The following RGS22 variants were observed in gnomAD, a reference collection of about 807,000 sequenced individuals.
The protein encoded by RGS22 is regulator of G-protein signaling 22.
In RGS22, 148 loss-of-function variants were observed where a neutral mutation model predicts 172.9. The ratio of observed to expected loss-of-function variants is 0.86; its 90% confidence interval spans 0.75 to 0.98. The LOEUF is 0.98. Ranked by LOEUF, RGS22 falls within the 50% of genes least tolerant of loss-of-function variation. The pLI is 0.00. For missense variants in RGS22, 1,347 were observed against 1,440.8 expected (o/e 0.93, Z 1.05); for synonymous variants, 458 against 480.2 (o/e 0.95, Z 0.60).
intron 22 of RGS22, among the ~76,000 whole-genome samples, chr8:99,981,607 TTTAAA>T (rs1188723139): frequency 1.3e-5 from 2 of 152,144 alleles, no homozygotes; most frequent in Non-Finnish European, 1.5e-5. Flanking sequence ...GCAAAGATTA[TTTAAA>T]TTAAATAGAA....
chr8:100,067,693 C>T (rs925071784), intron 6 of RGS22, among the ~76,000 whole-genome samples: 3 of 147,478 alleles, frequency 2.0e-5, no homozygotes, highest in Admixed American at 6.9e-5. Context: ...GGTGCAGTCT[C>T]GGCTCACTGC....
At chr8:100,052,657 T>G in intron 10 of RGS22, 145 bp downstream of exon 10, 1 of 758,374 alleles carries the variant, frequency 1.3e-6, no homozygotes, top group Admixed American at 3.0e-5. Context: ...AGACTGTAGG[T>G]TTTCTTATTT....
intron 19 of RGS22, among the ~76,000 whole-genome samples, chr8:99,998,363 T>G (rs1292116938): frequency 6.6e-6 from 1 of 151,452 alleles, no homozygotes; most frequent in Non-Finnish European, 1.5e-5. Context: ...AAACAATTTA[T>G]GAAACTTAAA....
At chr8:100,071,743 ATTG>A (rs1274513543) in intron 5 of RGS22, among the ~76,000 whole-genome samples, 3 of 152,352 alleles carry the variant, frequency 2.0e-5, no homozygotes, top group South Asian at 2.1e-4. Flanking sequence ...TGACTTAAAA[ATTG>A]TTGTTCAGAG....
In RGS22 at chr8:99,978,055, C is replaced by A; in HGVS notation, c.3381G>T (p.Leu1127=). 6.6e-7 allele frequency: 1 copy of A among 1,517,260 alleles called. No individual in the cohort carries two copies. The highest frequency in any genetic ancestry group is 8.7e-7 in the Non-Finnish European group (1 of 1,144,282). The allele number at this position is 1,517,260 out of a possible 1,614,324, so 94.0% of individuals were successfully genotyped here. The change falls in exon 23 of 28, where the codon CTG becomes CTT. Residue 1127 remains leucine, a synonymous_variant. Transcript: ENST00000360863. ...REAQMTIFGV[L]FKFWPQFCEF... is the part of the protein sequence containing the mutation. Reference sequence around the variant, plus strand: ...CACAGAACTGAGGCCAGAATTTAAACAGAACCCCAAAAATTGTCATCTGTA... The same window carrying A: ...CACAGAACTGAGGCCAGAATTTAAAAAGAACCCCAAAAATTGTCATCTGTA...
rs763021411 is a variant in RGS22, at chr8:100,063,762, C to T, written c.1006G>A (p.Val336Ile). Reference protein sequence around the residue: ...GAIQQIVGKPVGETPDYINFN... With the variant: ...GAIQQIVGKPIGETPDYINFN... ...TTTATATAGTCTGGGGTTTCTCCAACTGGCTTTCCAACAATTTGCTGAATT... is the reference window on the plus strand; with the variant it reads ...TTTATATAGTCTGGGGTTTCTCCAATTGGCTTTCCAACAATTTGCTGAATT... The change falls in exon 8 of 28, where the codon GTT (valine) becomes ATT (isoleucine). Residue 336 changes from valine (V) to isoleucine (I), a missense_variant. Coordinates refer to ENST00000360863, the MANE Select transcript of RGS22 (RefSeq NM_015668.5). The T allele has an allele frequency of 6.6e-5, 106 of 1,614,094 alleles. No homozygotes were observed. Among genetic ancestry groups the T allele is most frequent in the Middle Eastern group, 3.3e-4 (2 of 6,062 alleles).
intron 23 of RGS22, among the ~76,000 whole-genome samples, chr8:99,968,898 C>G (rs1184648678): frequency 6.6e-6 from 1 of 151,990 alleles, no homozygotes; most frequent in Admixed American, 6.6e-5. Flanking sequence ...AGATACTCCT[C>G]GAGAAGAGCA....
chr8:100,106,022 C>G lies in RGS22; in HGVS notation c.-101G>C, dbSNP rs993442692. 5.5e-5 allele frequency: 66 copies of G among 1,191,316 alleles called. No individual in the cohort carries two copies. The highest frequency in any genetic ancestry group is 6.8e-5 in the Non-Finnish European group (65 of 962,920). The allele number at this position is 1,191,316 out of a possible 1,614,324, so 73.8% of individuals were successfully genotyped here. A position where few individuals can be genotyped will look rare whatever the true frequency, so the allele number is the denominator to read the frequency against. ...GCCTGAGCGACGCGGCGACGGCGCGCGGGCTCCGGAGCTACGCTGGCTAGC... is the reference window on the plus strand; with the variant it reads ...GCCTGAGCGACGCGGCGACGGCGCGGGGGCTCCGGAGCTACGCTGGCTAGC... On this transcript the variant is annotated 5_prime_UTR_variant, in exon 1 of 28. Coordinates refer to ENST00000360863, the MANE Select transcript of RGS22 (RefSeq NM_015668.5).
chr8:100,102,020 C>G (rs528418757), intron 2 of RGS22, among the ~76,000 whole-genome samples: 15 of 152,344 alleles, frequency 9.8e-5, no homozygotes, highest in Non-Finnish European at 1.9e-4. Context: ...CCACCATCCT[C>G]AAGATGCCAC....
intron 12 of RGS22, among the ~76,000 whole-genome samples, chr8:100,041,018 T>C (rs554679087): frequency 1.3e-5 from 2 of 152,324 alleles, no homozygotes; most frequent in East Asian, 1.9e-4. Flanking sequence ...ACTATTTGCA[T>C]AGAATAAAAT....
chr8:99,990,362 C>G (rs147797409), intron 20 of RGS22, among the ~76,000 whole-genome samples: 1 of 152,052 alleles, frequency 6.6e-6, no homozygotes, highest in Admixed American at 6.6e-5. Context: ...TGCAGAAGGA[C>G]CCTGTTTCCC....
rs375415404 is a variant in RGS22 at position 100,056,254 on chromosome 8, A to G, written c.1515-3278T>C. Among the ~76,000 whole-genome samples the G allele has an allele frequency of 2.6e-4, 39 of 152,192 alleles. No homozygotes were observed. In the South Asian group the frequency reaches 6.8e-3, roughly 27 times the overall value. Reference sequence around the variant, plus strand: ...ATGATTTAGGGTATCCGGGGGAAAAAGTTTCTAAGCAGCGAAGCATTCAAG... The same window carrying G: ...ATGATTTAGGGTATCCGGGGGAAAAGGTTTCTAAGCAGCGAAGCATTCAAG... On this transcript the variant is annotated intron_variant, in intron 9 of 27. Transcript: ENST00000360863.
intron 14 of RGS22, among the ~76,000 whole-genome samples, chr8:100,034,365 A>G (rs549430084): frequency 6.6e-6 from 1 of 152,244 alleles, no homozygotes; most frequent in Non-Finnish European, 1.5e-5. Context: ...CCCATTCACA[A>G]TTGCTACACA....
chr8:100,034,315 C>T (rs953429076), intron 14 of RGS22, among the ~76,000 whole-genome samples: 6 of 152,104 alleles, frequency 3.9e-5, no homozygotes, highest in African/African-American at 7.2e-5. Context: ...TTCCTATACA[C>T]CAACAACAGA....
intron 11 of RGS22, among the ~76,000 whole-genome samples, chr8:100,043,596 T>A (rs1820383015): frequency 6.6e-6 from 1 of 151,904 alleles, no homozygotes. Flanking sequence ...GTCCACATGG[T>A]GAAACCCCGT....
Position 100,002,182 on chromosome 8 carries a change from A to G in RGS22, c.2790+20T>C. 25 of 1,511,670 alleles carry G rather than the reference A, an allele frequency of 1.7e-5. No individual in the cohort carries two copies. The highest frequency in any genetic ancestry group is 2.2e-5 in the Non-Finnish European group (25 of 1,132,616). The allele number at this position is 1,511,670 out of a possible 1,614,324, so 93.6% of individuals were successfully genotyped here. A position where few individuals can be genotyped will look rare whatever the true frequency, so the allele number is the denominator to read the frequency against. ...CGGTTTTCAAACATCAATTAAAAAA[A>G]TAGGTTTGCATGTTGATACCTGGTT... On this transcript the variant is annotated intron_variant, in intron 18 of 27. Transcript: ENST00000360863.
intron 10 of RGS22, among the ~76,000 whole-genome samples, chr8:100,051,444 AT>A (rs1321837205): frequency 0.076 from 7,921 of 104,368 alleles, 410 homozygotes; most frequent in South Asian, 0.16. Flanking sequence ...TTATATATTT[AT>A]TTATATTATA....
At chr8:99,962,175 C>T (rs1388123981) in intron 27 of RGS22, among the ~76,000 whole-genome samples, 2 of 151,908 alleles carry the variant, frequency 1.3e-5, no homozygotes, top group Non-Finnish European at 1.5e-5. Context: ...AGAAAACAGA[C>T]AAGGAGTAAA....
intron 14 of RGS22, among the ~76,000 whole-genome samples, chr8:100,018,275 G>T (rs986686116): frequency 2.0e-5 from 3 of 151,600 alleles, no homozygotes; most frequent in Non-Finnish European, 4.4e-5. Flanking sequence ...GAAATTCTGG[G>T]AGTTAATTTT....
Sources: allele counts gnomAD v4.1 joint callset (sites outside exome capture counted in the v4.1 genomes callset), GRCh38; gene constraint gnomAD v4.1.1; transcripts MANE v1.5; gene names NCBI Gene and HGNC (gene_info 2026-07-23, HGNC 2026-07-21).